Variants in HSD17B2 observed in about 807,000 individuals in gnomAD.
HSD17B2 encodes the protein hydroxysteroid 17-beta dehydrogenase 2, also known as 17-beta-hydroxysteroid dehydrogenase type 2.
A neutral mutation model predicts 26.9 loss-of-function variants in HSD17B2; 32 were observed. The observed-to-expected ratio is 1.19, with a 90% CI of 0.90 to 1.60. The LOEUF (loss-of-function observed/expected upper bound fraction) is 1.60. Among genes scored for constraint, HSD17B2 ranks in the 40% most tolerant of loss-of-function variants. The pLI is 0.00. For synonymous variants in HSD17B2, 246 were observed against 186.7 expected, an observed-to-expected ratio of 1.32 and a Z score of -2.59; for missense variants, 613 against 468.6, an observed-to-expected ratio of 1.31 and a Z score of -2.85.
At position 82,083,409 on chromosome 16, in the gene HSD17B2, G is replaced by A. The variant is rs535438326; in HGVS notation, c.665-7493G>A. ...AGACAGACTGCCCGGGTTTTAATCC[G>A]GTCTCTACCAATGACAACTGCGTGA... On this transcript the variant is annotated intron_variant, in intron 3 of 4. Coordinates refer to ENST00000199936, the MANE Select transcript of HSD17B2 (RefSeq NM_002153.3). Among the ~76,000 whole-genome samples the A allele has an allele frequency of 7.2e-4, 109 of 152,180 alleles. 2 individuals carry two copies. The South Asian group carries it at 0.02, about 28-fold the overall frequency.
At chr16:82,087,191 A>G (rs977974827) in intron 3 of HSD17B2, among the ~76,000 whole-genome samples, 7 of 152,232 alleles carry the variant, frequency 4.6e-5, no homozygotes, top group Non-Finnish European at 8.8e-5. Context: ...TGCAAGAGGA[A>G]TAAGTTACAT....
intron 3 of HSD17B2, among the ~76,000 whole-genome samples, chr16:82,073,451 C>G (rs924513274): frequency 6.6e-6 from 1 of 152,028 alleles, no homozygotes; most frequent in Non-Finnish European, 1.5e-5. Context: ...ATCTCGATCT[C>G]CCGACCTCGT....
At chr16:82,072,555 G>A (rs559127695) in intron 3 of HSD17B2, among the ~76,000 whole-genome samples, 13 of 152,248 alleles carry the variant, frequency 8.5e-5, no homozygotes, top group Non-Finnish European at 1.8e-4. Flanking sequence ...ACACTGACAA[G>A]GAGGTTTCTC....
chr16:82,075,842 G>C (rs1242326098), intron 3 of HSD17B2, among the ~76,000 whole-genome samples: 1 of 150,862 alleles, frequency 6.6e-6, no homozygotes, highest in Non-Finnish European at 1.5e-5. Flanking sequence ...AATGGTGGAG[G>C]GAATACTTCC....
intron 3 of HSD17B2, among the ~76,000 whole-genome samples, chr16:82,073,420 T>C (rs1914742811): frequency 6.6e-6 from 1 of 151,980 alleles, no homozygotes; most frequent in Non-Finnish European, 1.5e-5. Flanking sequence ...TAGACGGGGT[T>C]TCACCGTGTT....
chr16:82,068,162 C>G lies in HSD17B2; in HGVS notation c.266-8C>G, dbSNP rs769005444. On this transcript the variant is annotated splice_region_variant and splice_polypyrimidine_tract_variant and intron_variant, in intron 1 of 4. Transcript: ENST00000199936. ...GACCTCACTCCCTACTCCCCTGACC[C>G]TATGCAGGTGGTGATTGCGGGCTTG... is the stretch of plus-strand genomic sequence containing the variant. 6.2e-7 allele frequency: 1 copy of G among 1,613,542 alleles called. No homozygotes were observed. Among genetic ancestry groups the G allele is most frequent in the Non-Finnish European group, 8.5e-7 (1 of 1,179,482 alleles).
intron 1 of HSD17B2, among the ~76,000 whole-genome samples, chr16:82,043,742 C>T (rs1047834290): frequency 6.7e-6 from 1 of 149,016 alleles, no homozygotes; most frequent in Admixed American, 6.7e-5. Context: ...ATTTCAGACC[C>T]AACCATTTCC....
intron 1 of HSD17B2, among the ~76,000 whole-genome samples, chr16:82,045,588 G>A (rs1913901588): frequency 6.6e-6 from 1 of 152,220 alleles, no homozygotes; most frequent in Non-Finnish European, 1.5e-5. Context: ...TAGGCGATGA[G>A]AGTTCTGCCT....
At chr16:82,069,946 C>T (rs955310147) in intron 2 of HSD17B2, among the ~76,000 whole-genome samples, 2 of 152,158 alleles carry the variant, frequency 1.3e-5, no homozygotes, top group African/African-American at 4.8e-5. Flanking sequence ...TCCCAGGCAT[C>T]ATTAGTTTAT....
rs1904878176 is a variant in HSD17B2, at chr16:82,097,349, G to GCACACA, written c.803-726_803-725insCACACA. 2 of 57,064 alleles carry GCACACA rather than the reference G, an allele frequency of 3.5e-5. 1 individual carries two copies. Among genetic ancestry groups the GCACACA allele is most frequent in the Non-Finnish European group, 7.0e-5 (2 of 28,718 alleles). The allele number at this position is 57,064 out of a possible 1,614,324, so 3.5% of individuals were successfully genotyped here. Reference sequence around the variant, plus strand: ...ATATATATATACACATTATATATGTGTACACACACACACACACACACACAC... The same window carrying GCACACA: ...ATATATATATACACATTATATATGTGCACACATACACACACACACACACACACACAC... On this transcript the variant is annotated intron_variant, in intron 4 of 4. Transcript: ENST00000199936.
Position 82,035,391 on chromosome 16 carries a change from C to T in HSD17B2, c.-34C>T, listed in dbSNP as rs1913595373. Reference sequence around the variant, plus strand: ...GCCTTTGCCCGCTAGACTCACTGGCCCTGAGCACTTGAAGGTGCAGCAAGT... The same window carrying T: ...GCCTTTGCCCGCTAGACTCACTGGCTCTGAGCACTTGAAGGTGCAGCAAGT... On this transcript the variant is annotated 5_prime_UTR_variant, in exon 1 of 5. Coordinates refer to ENST00000199936, the MANE Select transcript of HSD17B2 (RefSeq NM_002153.3). 5 of 1,592,882 alleles carry T rather than the reference C, an allele frequency of 3.1e-6. No individual in the cohort carries two copies. The African/African-American group carries it at 4.0e-5, about 13-fold the overall frequency.
At chr16:82,092,738 A>G (rs1162736373) in intron 4 of HSD17B2, 2 of 152,294 alleles carry the variant, frequency 1.3e-5, no homozygotes, top group Non-Finnish European at 2.9e-5. Flanking sequence ...AGGAGAATTG[A>G]GGAGAGGAGA....
chr16:82,090,100 C>A (rs1904640333), intron 3 of HSD17B2: 1 of 330,854 alleles, frequency 3.0e-6, no homozygotes, highest in Non-Finnish European at 4.3e-6. Context: ...GATGCCCCAC[C>A]ATTTCCCAGG....
intron 1 of HSD17B2, among the ~76,000 whole-genome samples, chr16:82,036,850 A>G (rs749153851): frequency 2.4e-4 from 37 of 152,104 alleles, no homozygotes; most frequent in Middle Eastern, 3.2e-3. Flanking sequence ...CCACTTTTTT[A>G]TTAGAATTCT....
intron 1 of HSD17B2, among the ~76,000 whole-genome samples, chr16:82,040,289 G>C (rs1020539260): frequency 6.6e-6 from 1 of 152,146 alleles, no homozygotes; most frequent in Non-Finnish European, 1.5e-5. Context: ...GGACTCCTTT[G>C]GATTTCACGT....
At chr16:82,077,296 A>G (rs757352675) in intron 3 of HSD17B2, among the ~76,000 whole-genome samples, 10 of 152,206 alleles carry the variant, frequency 6.6e-5, no homozygotes, top group Non-Finnish European at 1.2e-4. Flanking sequence ...CCAAAACAGC[A>G]TGGTACCAGC....
intron 1 of HSD17B2, among the ~76,000 whole-genome samples, chr16:82,056,229 T>G (rs1312992581): frequency 6.6e-6 from 1 of 152,216 alleles, no homozygotes; most frequent in African/African-American, 2.4e-5. Flanking sequence ...CCTTAGATAA[T>G]GATAAAAGGG....
intron 2 of HSD17B2, 101 bp from the exon 3 acceptor site, chr16:82,070,841 G>C: frequency 9.0e-7 from 1 of 1,113,622 alleles, no homozygotes; most frequent in East Asian, 2.4e-5. Context: ...CAGGAGACCT[G>C]GCTCACACGT....
intron 3 of HSD17B2, among the ~76,000 whole-genome samples, chr16:82,082,738 G>T (rs1457238148): frequency 6.6e-6 from 1 of 152,148 alleles, no homozygotes. Flanking sequence ...AACAGTGCTT[G>T]GCATATAGTA....
Sources: gnomAD v4.1 joint callset for allele counts (sites outside exome capture counted in the v4.1 genomes callset) on GRCh38, gnomAD v4.1.1 for gene constraint, MANE v1.5 for transcripts, NCBI Gene and HGNC (gene_info 2026-07-23, HGNC 2026-07-21) for gene names.